Variants in C21orf58 observed in about 807,000 individuals in gnomAD.
C21orf58 encodes uncharacterized protein C21orf58.
A neutral mutation model predicts 35.8 loss-of-function variants in C21orf58; 34 were observed. The ratio of observed to expected loss-of-function variants is 0.95; its 90% CI spans 0.72 to 1.26. The LOEUF is 1.26. Among genes scored for constraint, C21orf58 ranks in the 50% most tolerant of loss-of-function variants. C21orf58 has a pLI of 0.00. For missense variants in C21orf58, 440 were observed against 414.3 expected (o/e 1.06, Z -0.54); for synonymous variants, 191 against 175.8 (o/e 1.09, Z -0.68).
chr21:46,321,172 A>ATC (rs1309655396), intron 1 of C21orf58, among the ~76,000 whole-genome samples: 2 of 151,968 alleles, frequency 1.3e-5, no homozygotes, highest in African/African-American at 4.8e-5. Flanking sequence ...TGTTATATAT[A>ATC]TATATATTTT....
chr21:46,321,173 TATATA>T (rs2083144013), intron 1 of C21orf58, among the ~76,000 whole-genome samples: 1 of 152,092 alleles, frequency 6.6e-6, no homozygotes, highest in Non-Finnish European at 1.5e-5. Flanking sequence ...GTTATATATA[TATATA>T]TTTTTTTTGA....
At chr21:46,321,300 C>T (rs2083149688) in intron 1 of C21orf58, among the ~76,000 whole-genome samples, 1 of 152,176 alleles carries the variant, frequency 6.6e-6, no homozygotes, top group African/African-American at 2.4e-5. Flanking sequence ...TCTCGAGTAG[C>T]TGGGACTACA....
intron 6 of C21orf58, among the ~76,000 whole-genome samples, chr21:46,304,020 G>GTTTTTT (rs34586952): frequency 4.5e-5 from 2 of 44,566 alleles, no homozygotes; most frequent in East Asian, 5.7e-4. Flanking sequence ...CAAAGTGCTG[G>GTTTTTT]TTTTTTTTTT....
In C21orf58 at chr21:46,315,512, C is replaced by T. The variant is rs1302450557; in HGVS notation, c.406G>A (p.Ala136Thr). ...AGAAGGTCCCTCCTTCTCTTCAGAG[C>T]AGTCTGCAGGGCATCGTCCGGCCGG... ...EDRPDDALQT[A>T]LKRRRDLLQR... is the part of the protein sequence containing the mutation. The change falls in exon 4 of 8, where the codon GCT becomes ACT. Residue 136 changes from alanine to threonine, a missense_variant. By Grantham distance (58) the Ala-to-Thr change is moderately conservative. Transcript: ENST00000291691. 6.2e-7 allele frequency: 1 copy of T among 1,612,190 alleles called. No individual in the cohort carries two copies. The highest frequency in any genetic ancestry group is 8.5e-7 in the Non-Finnish European group (1 of 1,178,664).
rs145459069 is a variant in C21orf58 at position 46,318,812 on chromosome 21, G to A, written c.101-592C>T. 6 of 987,348 alleles carry A rather than the reference G, an allele frequency of 6.1e-6. No homozygotes were observed. In the Admixed American group the frequency reaches 3.6e-4, roughly 59 times the overall value. 61.2% of individuals were successfully genotyped at this position (987,348 alleles called of 1,614,324 possible). On this transcript the variant is annotated intron_variant, in intron 1 of 7. Coordinates refer to ENST00000291691, the MANE Select transcript of C21orf58 (RefSeq NM_058180.5). Reference sequence around the variant, plus strand: ...TGGGGCTGGGGGCACTGGGCAGGGAGTCAAGTTTGCAGGAAGCTTCGCAGA... The same window carrying A: ...TGGGGCTGGGGGCACTGGGCAGGGAATCAAGTTTGCAGGAAGCTTCGCAGA...
Position 46,317,996 on chromosome 21 carries a change from C to G in C21orf58, c.309+16G>C. On this transcript the variant is annotated intron_variant, in intron 2 of 7. Coordinates refer to ENST00000291691, the MANE Select transcript of C21orf58 (RefSeq NM_058180.5). ...GCGAGTTGTTAAAAACAGGAGCATC[C>G]CGGGCTCTGCCTCACCTGTCCCAAG... is the stretch of plus-strand genomic sequence containing the variant. The G allele has an allele frequency of 6.2e-7, 1 of 1,612,628 alleles. No homozygotes were observed. The highest frequency in any genetic ancestry group is 8.5e-7 in the Non-Finnish European group (1 of 1,179,580).
chr21:46,320,611 A>C (rs944414973), intron 1 of C21orf58: 1 of 151,908 alleles, frequency 6.6e-6, no homozygotes, highest in African/African-American at 2.4e-5. Context: ...AGACATAAAC[A>C]AGACACTCTT....
Position 46,323,371 on chromosome 21 carries a change from T to C in C21orf58, c.-633A>G, listed in dbSNP as rs564956610. 1.3e-5 allele frequency: 2 copies of C among 151,844 alleles called. No homozygotes were observed. The highest frequency in any genetic ancestry group is 2.9e-5 in the Non-Finnish European group (2 of 67,938). 9.4% of individuals were successfully genotyped at this position (151,844 alleles called of 1,614,324 possible). A position where few individuals can be genotyped will look rare whatever the true frequency, so the allele number is the denominator to read the frequency against. ...CGAACCCACGGCCCCATTTCTCTTC[T>C]GTCTACTAAAAACCTTTTCTTTTCT... On this transcript the variant is annotated 5_prime_UTR_variant, in exon 1 of 8. Coordinates refer to ENST00000291691, the MANE Select transcript of C21orf58 (RefSeq NM_058180.5).
downstream of C21orf58, chr21:46,300,493 G>C (rs2082075750): frequency 3.7e-6 from 1 of 271,768 alleles, no homozygotes; most frequent in Non-Finnish European, 6.2e-6. Flanking sequence ...CTTGAAAAGA[G>C]GAAATGGAGT....
At position 46,317,237 on chromosome 21, in the gene C21orf58, C is replaced by T. The variant is rs1221006875; in HGVS notation, c.341G>A (p.Gly114Glu). The part of the protein sequence containing the change: ...KLEQERQNVE[G>E]GPEGLHLEPG... ...CTCGAGGTGGAGGCCCTCAGGTCCC[C>T]CTTCCACGTTCTGCCGTTCTTGCTC... The change falls in exon 3 of 8, where the codon GGG (glycine) becomes GAG (glutamate). Residue 114 changes from glycine to glutamate, a missense_variant. Gly to Glu is a moderately conservative substitution (Grantham distance 98). Transcript: ENST00000291691. 3.1e-6 allele frequency: 5 copies of T among 1,611,942 alleles called. No homozygotes were observed. The highest frequency in any genetic ancestry group is 3.3e-5 in the Admixed American group (2 of 59,920).
chr21:46,311,050 T>C (rs1050839607), intron 6 of C21orf58, among the ~76,000 whole-genome samples: 1 of 151,796 alleles, frequency 6.6e-6, no homozygotes, highest in Admixed American at 6.6e-5. Flanking sequence ...TTTTGTATTT[T>C]TAGTAGAGAT....
chr21:46,321,180 T>TATA (rs537931767), intron 1 of C21orf58, among the ~76,000 whole-genome samples: 6,416 of 151,898 alleles, frequency 0.042, 196 homozygotes, highest in Non-Finnish European at 0.065. Flanking sequence ...ATATATATAT[T>TATA]TTTTTTGAGA....
chr21:46,317,172 G>C, intron 3 of C21orf58, 36 bp downstream of exon 3: 1 of 1,597,140 alleles, frequency 6.3e-7, no homozygotes, highest in Admixed American at 1.7e-5. Context: ...ACTTGCGTCT[G>C]TCTGTGCTGG....
intron 6 of C21orf58, 137 bp from the exon 7 acceptor site, chr21:46,302,713 T>G: frequency 1.4e-6 from 1 of 695,858 alleles, no homozygotes; most frequent in South Asian, 1.8e-5. Context: ...TGAGTCCGTC[T>G]GCACACGGTG....
intron 5 of C21orf58, among the ~76,000 whole-genome samples, chr21:46,314,098 T>C (rs1175362999): frequency 3.3e-5 from 5 of 151,554 alleles, no homozygotes; most frequent in African/African-American, 9.7e-5. Context: ...GCCCTTGACA[T>C]TGGGGCCTTA....
rs1569143478 is a variant in C21orf58, at chr21:46,322,667, A to G, written c.72T>C (p.Ser24=). The G allele has an allele frequency of 6.3e-7, 1 of 1,594,018 alleles. No homozygotes were observed. Among genetic ancestry groups the G allele is most frequent in the South Asian group, 1.1e-5 (1 of 87,838 alleles). The part of the protein sequence containing the change: ...PWKLDRQKLP[S]PDSGHSLLCG... ...ACAGAAGACTGTGGCCTGAGTCAGG[A>G]GAAGGAAGTTTCTGGCGGTCGAGCT... is the stretch of plus-strand genomic sequence containing the variant. Residue 24 remains serine (S), a synonymous_variant, in exon 1 of 8, where the codon TCT becomes TCC. Transcript: ENST00000291691.
At chr21:46,306,277 G>A (rs181693510) in intron 6 of C21orf58, among the ~76,000 whole-genome samples, 15 of 152,278 alleles carry the variant, frequency 9.9e-5, no homozygotes, top group Middle Eastern at 6.8e-3. Context: ...GGGAGGCTGA[G>A]GAGGGTGGAT....
chr21:46,302,580 C>T lies in C21orf58; in HGVS notation c.722-4G>A. On this transcript the variant is annotated splice_polypyrimidine_tract_variant and splice_region_variant and intron_variant, in intron 6 of 7. Coordinates refer to ENST00000291691, the MANE Select transcript of C21orf58 (RefSeq NM_058180.5). ...AGCAGCAGCAGCTCCACCATGTCTG[C>T]AGGGAAGAAGCAGGGGGACCCTGAA... 2 of 1,609,110 alleles carry T rather than the reference C, an allele frequency of 1.2e-6. No individual in the cohort carries two copies. Among genetic ancestry groups the T allele is most frequent in the Non-Finnish European group, 1.7e-6 (2 of 1,177,430 alleles).
At chr21:46,303,179 A>T (rs1030202339) in intron 6 of C21orf58, among the ~76,000 whole-genome samples, 2 of 151,736 alleles carry the variant, frequency 1.3e-5, no homozygotes, top group African/African-American at 4.9e-5. Flanking sequence ...AAAAAAAAAA[A>T]TTAAAACATC....
Sources: allele counts gnomAD v4.1 joint callset (sites outside exome capture counted in the v4.1 genomes callset), GRCh38; gene constraint gnomAD v4.1.1; transcripts MANE v1.5; gene names NCBI Gene and HGNC (gene_info 2026-07-23, HGNC 2026-07-21).